The following PCDHA5 variants were observed in gnomAD, a reference collection of about 807,000 sequenced individuals.
PCDHA5 encodes protocadherin alpha 5.
PCDHA5 carries 43 observed loss-of-function variants against 61.6 expected under a neutral mutation model. The observed-to-expected ratio is 0.70, with a 90% CI of 0.55 to 0.90. The LOEUF is 0.90. PCDHA5 is among the 40% of genes least tolerant of loss of function. The pLI is 0.00. For missense variants in PCDHA5, 1,298 were observed against 1,222.7 expected (o/e 1.06, Z -0.92); for synonymous variants, 627 against 543.9 (o/e 1.15, Z -2.13).
chr5:140,837,902 C>T (rs1358227516), intron 1 of PCDHA5, among the ~76,000 whole-genome samples: 2 of 151,630 alleles, frequency 1.3e-5, no homozygotes, highest in Non-Finnish European at 2.9e-5. Context: ...TGGTCTTGAA[C>T]TCCTGGCTTC....
intron 1 of PCDHA5, among the ~76,000 whole-genome samples, chr5:140,873,949 C>G (rs1161044001): frequency 1.3e-5 from 2 of 152,218 alleles, no homozygotes; most frequent in Non-Finnish European, 1.5e-5. Flanking sequence ...GTGTAAGTCA[C>G]TGAGCCCAGC....
At chr5:140,995,393 G>T (rs1267179638) in intron 3 of PCDHA5, among the ~76,000 whole-genome samples, 5 of 152,184 alleles carry the variant, frequency 3.3e-5, no homozygotes, top group Non-Finnish European at 7.3e-5. Flanking sequence ...GATAAAGCGG[G>T]ATGGCTCGAG....
intron 1 of PCDHA5, among the ~76,000 whole-genome samples, chr5:140,974,337 T>TA (rs2096623719): frequency 6.6e-6 from 1 of 152,214 alleles, no homozygotes; most frequent in Admixed American, 6.5e-5. Context: ...GCTAGCAGGC[T>TA]ATGCATCCAG....
intron 1 of PCDHA5, chr5:140,850,230 G>T (rs2150474720): frequency 6.3e-7 from 1 of 1,594,052 alleles, no homozygotes; most frequent in South Asian, 1.1e-5. Flanking sequence ...CGCAGTGAGC[G>T]AGATGGTGCT....
chr5:140,841,617 G>C, intron 1 of PCDHA5: 2 of 1,614,152 alleles, frequency 1.2e-6, no homozygotes, highest in Non-Finnish European at 1.7e-6. Flanking sequence ...TGCGGGCGGA[G>C]CGCGGAGTGC....
At chr5:140,966,805 T>G in intron 1 of PCDHA5, 1 of 1,545,566 alleles carries the variant, frequency 6.5e-7, no homozygotes, top group East Asian at 2.4e-5. Context: ...CGACAGAGCA[T>G]CCACGGCTCC....
At chr5:140,930,420 A>T (rs996872425) in intron 1 of PCDHA5, 2 of 151,962 alleles carry the variant, frequency 1.3e-5, no homozygotes, top group Non-Finnish European at 2.9e-5. Context: ...CAGGGGTCTC[A>T]CTATGTTGCC....
chr5:141,005,463 G>A (rs2098214977), intron 3 of PCDHA5, among the ~76,000 whole-genome samples: 1 of 151,944 alleles, frequency 6.6e-6, no homozygotes. Context: ...CAGCACTTTG[G>A]GAGGCCGAGA....
intron 1 of PCDHA5, chr5:140,927,371 G>GCTACAGCCTAAGCC: frequency 6.2e-7 from 1 of 1,614,080 alleles, no homozygotes; most frequent in Non-Finnish European, 8.5e-7. Context: ...GGGATACTAA[G>GCTACAGCCTAAGCC]CTACAGCCTA....
chr5:140,860,055 A>C (rs1466399941), intron 1 of PCDHA5: 6 of 151,228 alleles, frequency 4.0e-5, no homozygotes, highest in Admixed American at 3.3e-4. Flanking sequence ...TTGAGAGGCC[A>C]AGGTGGGAGG....
chr5:140,960,892 G>A (rs1401042931), intron 1 of PCDHA5, among the ~76,000 whole-genome samples: 1 of 152,126 alleles, frequency 6.6e-6, no homozygotes, highest in East Asian at 1.9e-4. Flanking sequence ...AATGAATTTG[G>A]GGCATATCTT....
chr5:140,935,380 A>C (rs1188418457), intron 1 of PCDHA5, among the ~76,000 whole-genome samples: 1 of 152,220 alleles, frequency 6.6e-6, no homozygotes, highest in Non-Finnish European at 1.5e-5. Context: ...AGAATTACTC[A>C]TTTGTTATCC....
chr5:140,884,535 C>T (rs142468733), intron 1 of PCDHA5: 2 of 1,613,918 alleles, frequency 1.2e-6, no homozygotes, highest in African/African-American at 1.3e-5. Flanking sequence ...CAGAGGCGGC[C>T]GAGGGTGTGC....
intron 1 of PCDHA5, chr5:140,869,469 G>C (rs781981842): frequency 6.2e-6 from 10 of 1,614,092 alleles, no homozygotes; most frequent in Admixed American, 1.7e-5. Flanking sequence ...TGAACGTGGA[G>C]GTGAAGGACA....
rs57893927 is a variant in PCDHA5 at position 140,946,631 on chromosome 5, T to TATATAC, written c.2353-32317_2353-32316insTATACA. Among the ~76,000 whole-genome samples, 104 of 131,796 alleles carry TATATAC rather than the reference T, an allele frequency of 7.9e-4. 5 individuals are homozygous for TATATAC. Among genetic ancestry groups the TATATAC allele is most frequent in the Admixed American group, 1.7e-3 (23 of 13,490 alleles). The allele number at this position is 131,796 out of a possible 152,430, so 86.5% of individuals were successfully genotyped here. Reference sequence around the variant, plus strand: ...TGTGAAATATATATATATATATATATACAATGGAATACTCATCAGCCATTA... The same window carrying TATATAC: ...TGTGAAATATATATATATATATATATATATACACAATGGAATACTCATCAGCCATTA... On this transcript the variant is annotated intron_variant, in intron 1 of 3. Transcript: ENST00000529859.
At chr5:140,968,050 C>T (rs782392575) in intron 1 of PCDHA5, 12 of 1,614,178 alleles carry the variant, frequency 7.4e-6, no homozygotes, top group Admixed American at 1.7e-5. Flanking sequence ...GCCCACTGGA[C>T]CGAGAGCGGG....
At chr5:140,842,950 G>A (rs2150348605) in intron 1 of PCDHA5, 1 of 1,594,728 alleles carries the variant, frequency 6.3e-7, no homozygotes, top group East Asian at 2.2e-5. Context: ...CGGGCGTGCC[G>A]CCTCTGGGCA....
At chr5:140,843,392 G>A in intron 1 of PCDHA5, 1 of 1,596,106 alleles carries the variant, frequency 6.3e-7, no homozygotes, top group Non-Finnish European at 8.6e-7. Flanking sequence ...GGGTCCGGAA[G>A]CGGCGCTGGT....
At chr5:140,824,610 G>GTTGTTTTTTTTTTTTTTTT (rs1768193318) in intron 1 of PCDHA5, 1 of 95,104 alleles carries the variant, frequency 1.1e-5, no homozygotes, top group African/African-American at 4.9e-5. Flanking sequence ...GCTAATTAAA[G>GTTGTTTTTTTTTTTTTTTT]TTTTTTTTTT....
Sources: gnomAD v4.1 joint callset for allele counts (sites outside exome capture counted in the v4.1 genomes callset) on GRCh38, gnomAD v4.1.1 for gene constraint, MANE v1.5 for transcripts, NCBI Gene and HGNC (gene_info 2026-07-23, HGNC 2026-07-21) for gene names.